Variants in CADM3 observed in about 807,000 individuals in gnomAD.
The protein encoded by CADM3 is cell adhesion molecule 3.
A neutral mutation model predicts 44.9 loss-of-function variants in CADM3; 11 were observed. The observed-to-expected ratio is 0.25, with a 90% CI of 0.15 to 0.41. CADM3 has a LOEUF of 0.41. CADM3 is among the 10% of genes least tolerant of loss of function. The pLI, the probability that CADM3 is intolerant of heterozygous loss-of-function variation, is 1.00. For missense variants in CADM3, 426 were observed against 512.0 expected, an observed-to-expected ratio of 0.83 and a Z score of 1.62; for synonymous variants, 207 against 205.2, an observed-to-expected ratio of 1.01 and a Z score of -0.08.
intron 6 of CADM3, 55 bp downstream of exon 6, chr1:159,196,509 T>A (rs1469176670): frequency 7.1e-7 from 1 of 1,416,360 alleles, no homozygotes; most frequent in Non-Finnish European, 9.9e-7. Flanking sequence ...TCAGATTGCC[T>A]TCTTCACATA....
At chr1:159,175,233 G>A (rs1301813961) in intron 1 of CADM3, among the ~76,000 whole-genome samples, 1 of 152,162 alleles carries the variant, frequency 6.6e-6, no homozygotes, top group Non-Finnish European at 1.5e-5. Context: ...GTAACTCTTG[G>A]GAAGGATATG....
chr1:159,181,849 C>T (rs981722006), intron 1 of CADM3, among the ~76,000 whole-genome samples: 2 of 152,150 alleles, frequency 1.3e-5, no homozygotes, highest in Non-Finnish European at 2.9e-5. Flanking sequence ...CTCTGCTCCT[C>T]GGAATCTTAA....
chr1:159,174,081 G>C (rs1648926375), intron 1 of CADM3, among the ~76,000 whole-genome samples: 1 of 152,224 alleles, frequency 6.6e-6, no homozygotes, highest in Non-Finnish European at 1.5e-5. Flanking sequence ...AGTGGGAGAT[G>C]AACAGGAGGG....
intron 1 of CADM3, among the ~76,000 whole-genome samples, chr1:159,173,298 C>T (rs1347332928): frequency 2.6e-5 from 4 of 152,028 alleles, no homozygotes; most frequent in Admixed American, 6.5e-5. Flanking sequence ...GGAAAACAGG[C>T]GAAGAGCCAG....
At chr1:159,191,000 A>G (rs1169757073) in intron 1 of CADM3, among the ~76,000 whole-genome samples, 1 of 152,214 alleles carries the variant, frequency 6.6e-6, no homozygotes, top group Non-Finnish European at 1.5e-5. Flanking sequence ...TGAGGGAATC[A>G]GTACAGGAAA....
At chr1:159,185,830 C>T (rs193178564) in intron 1 of CADM3, among the ~76,000 whole-genome samples, 150 of 152,200 alleles carry the variant, frequency 9.9e-4, no homozygotes, top group Non-Finnish European at 1.9e-3. Context: ...TATTAAGCAC[C>T]TTCTATAAGC....
chr1:159,185,173 A>G (rs1649371854), intron 1 of CADM3, among the ~76,000 whole-genome samples: 1 of 152,246 alleles, frequency 6.6e-6, no homozygotes, highest in African/African-American at 2.4e-5. Flanking sequence ...GGGTCCATGA[A>G]ATAGTCCCAA....
At chr1:159,185,471 T>C (rs1035408456) in intron 1 of CADM3, among the ~76,000 whole-genome samples, 21 of 152,226 alleles carry the variant, frequency 1.4e-4, no homozygotes, top group African/African-American at 4.1e-4. Flanking sequence ...CTGGGCTTTG[T>C]GGTCAGAGAG....
At chr1:159,182,663 G>A (rs757237674) in intron 1 of CADM3, among the ~76,000 whole-genome samples, 34 of 152,140 alleles carry the variant, frequency 2.2e-4, no homozygotes, top group Non-Finnish European at 4.0e-4. Flanking sequence ...TACTGAACTT[G>A]GACAATAGAG....
At chr1:159,196,202 A>C (rs890266775) in intron 5 of CADM3, 162 bp from the exon 6 acceptor site, 10 of 594,636 alleles carry the variant, frequency 1.7e-5, no homozygotes, top group South Asian at 6.1e-5. Flanking sequence ...ATTCAATAGC[A>C]ATAATGGTCC....
rs780404957 is a variant in CADM3, at chr1:159,192,744, A to T, written c.382+14A>T. 6.2e-7 allele frequency: 1 copy of T among 1,607,166 alleles called. No individual in the cohort carries two copies. The highest frequency in any genetic ancestry group is 1.7e-5 in the Admixed American group (1 of 59,696). ...TCACTGTGCTAGGTGAGACTCCCAAACCCCAGTGTCTCTACAGCATGCTTC... is the reference window on the plus strand; with the variant it reads ...TCACTGTGCTAGGTGAGACTCCCAATCCCCAGTGTCTCTACAGCATGCTTC... On this transcript the variant is annotated intron_variant, in intron 3 of 8. Transcript: ENST00000368125.
chr1:159,197,620 T>C (rs939296792), intron 7 of CADM3: 1 of 152,172 alleles, frequency 6.6e-6, no homozygotes, highest in African/African-American at 2.4e-5. Context: ...TCTCTGAAGT[T>C]CTTCTCAAAG....
chr1:159,172,943 G>A (rs1316932017), intron 1 of CADM3, among the ~76,000 whole-genome samples: 1 of 152,134 alleles, frequency 6.6e-6, no homozygotes, highest in East Asian at 1.9e-4. Flanking sequence ...ACAGCTCCGA[G>A]CCTCAGGTCC....
At chr1:159,182,763 G>A (rs1021774677) in intron 1 of CADM3, among the ~76,000 whole-genome samples, 9 of 152,194 alleles carry the variant, frequency 5.9e-5, no homozygotes, top group African/African-American at 2.2e-4. Context: ...AGTAGGCTAT[G>A]ACCAGATACG....
intron 1 of CADM3, among the ~76,000 whole-genome samples, chr1:159,186,211 G>C (rs148482007): frequency 6.6e-6 from 1 of 152,294 alleles, no homozygotes; most frequent in Admixed American, 6.5e-5. Context: ...AGGGTGAGTG[G>C]AGTAGAGAAA....
intron 1 of CADM3, among the ~76,000 whole-genome samples, chr1:159,184,678 C>T (rs1052268919): frequency 3.9e-5 from 6 of 152,132 alleles, no homozygotes; most frequent in African/African-American, 9.7e-5. Flanking sequence ...CCAAGCAATC[C>T]GGGGTTATAC....
Position 159,200,950 on chromosome 1 carries a change from C to CT in CADM3, c.*28_*29insT. ...GCGCCTGCCCACTTCCTGCGCCCCC[C>CT]AGGGGCCCTGTGGGGACTGCTGGGG... is the stretch of plus-strand genomic sequence containing the variant. On this transcript the variant is annotated 3_prime_UTR_variant, in exon 9 of 9. Transcript: ENST00000368125. 1 of 1,545,248 alleles carries CT rather than the reference C, an allele frequency of 6.5e-7. No homozygotes were observed. The highest frequency in any genetic ancestry group is 8.8e-7 in the Non-Finnish European group (1 of 1,137,170).
chr1:159,174,948 A>G (rs1158487730), intron 1 of CADM3, among the ~76,000 whole-genome samples: 1 of 152,240 alleles, frequency 6.6e-6, no homozygotes, highest in Non-Finnish European at 1.5e-5. Context: ...TCTTTGTTTC[A>G]GATAAGGTTA....
chr1:159,193,645 C>T, intron 4 of CADM3, 85 bp downstream of exon 4: 3 of 1,577,078 alleles, frequency 1.9e-6, no homozygotes, highest in Non-Finnish European at 2.6e-6. Flanking sequence ...ACACAGGAGG[C>T]ATGGTATGGA....
Sources: gnomAD v4.1 joint callset for allele counts (sites outside exome capture counted in the v4.1 genomes callset) on GRCh38, gnomAD v4.1.1 for gene constraint, MANE v1.5 for transcripts, NCBI Gene and HGNC (gene_info 2026-07-23, HGNC 2026-07-21) for gene names.